Variants in ARHGAP28 observed in about 807,000 individuals in gnomAD.
ARHGAP28 encodes the protein Rho GTPase activating protein 28.
A neutral mutation model predicts 90.7 loss-of-function variants in ARHGAP28; 56 were observed. The observed-to-expected ratio is 0.62, with a 90% CI of 0.50 to 0.77. The LOEUF is 0.77. ARHGAP28 is among the 30% of genes least tolerant of loss of function. The pLI, the probability that ARHGAP28 is intolerant of heterozygous loss-of-function variation, is 0.00. For synonymous variants in ARHGAP28, 308 were observed against 323.3 expected, an observed-to-expected ratio of 0.95 and a Z score of 0.51; for missense variants, 869 against 900.9, an observed-to-expected ratio of 0.96 and a Z score of 0.45.
intron 13 of ARHGAP28, 47 bp downstream of exon 13, chr18:6,890,132 C>T: frequency 6.2e-7 from 1 of 1,600,936 alleles, no homozygotes; most frequent in Non-Finnish European, 8.6e-7. Context: ...TCCATGTCCC[C>T]AGGAAACATA....
At chr18:6,785,449 A>G (rs2056358019) in intron 1 of ARHGAP28, among the ~76,000 whole-genome samples, 2 of 152,118 alleles carry the variant, frequency 1.3e-5, no homozygotes, top group South Asian at 2.1e-4. Flanking sequence ...TCCACCTCCA[A>G]TGCATCTTTC....
At chr18:6,808,674 T>A (rs1300102572) in intron 1 of ARHGAP28, among the ~76,000 whole-genome samples, 1 of 152,240 alleles carries the variant, frequency 6.6e-6, no homozygotes, top group Non-Finnish European at 1.5e-5. Flanking sequence ...TTCCATTGTA[T>A]ATCTTGTGTA....
intron 16 of ARHGAP28, among the ~76,000 whole-genome samples, chr18:6,900,102 C>A (rs1459597880): frequency 6.6e-6 from 1 of 152,148 alleles, no homozygotes. Context: ...GACAATGAGG[C>A]AGAGCCAGTT....
chr18:6,836,257 T>C (rs1418805026), intron 2 of ARHGAP28: 2 of 152,372 alleles, frequency 1.3e-5, no homozygotes, highest in Non-Finnish European at 2.9e-5. Flanking sequence ...GCAGCTCGTC[T>C]CTCAGGGCCA....
At position 6,889,327 on chromosome 18, in the gene ARHGAP28, T is replaced by G. The variant is rs149882699; in HGVS notation, c.1537-561T>G. 6.6e-5 allele frequency among the ~76,000 whole-genome samples: 10 copies of G among 152,282 alleles called. No homozygotes were observed. In the East Asian group the frequency reaches 1.9e-3, roughly 29 times the overall value. ...CATTTGCTTTTGGCCAGCTGTCAAT[T>G]TCAAAGTTGAAAAGCAATAGAAAAA... On this transcript the variant is annotated intron_variant, in intron 12 of 17. Coordinates refer to ENST00000383472, the MANE Select transcript of ARHGAP28 (RefSeq NM_001366230.1).
chr18:6,906,750 G>A (rs754890909), intron 16 of ARHGAP28, among the ~76,000 whole-genome samples: 8 of 152,064 alleles, frequency 5.3e-5, no homozygotes, highest in Non-Finnish European at 1.2e-4. Flanking sequence ...CATAAAAAAT[G>A]TGACCCATAA....
intron 1 of ARHGAP28, among the ~76,000 whole-genome samples, chr18:6,753,848 A>G (rs537920304): frequency 2.6e-5 from 4 of 152,192 alleles, no homozygotes; most frequent in Non-Finnish European, 5.9e-5. Flanking sequence ...TAAGAGACAG[A>G]AGAGGTTGCT....
intron 1 of ARHGAP28, among the ~76,000 whole-genome samples, chr18:6,762,223 A>T (rs923747410): frequency 6.6e-6 from 1 of 152,174 alleles, no homozygotes; most frequent in East Asian, 1.9e-4. Flanking sequence ...GGTTTCTTAT[A>T]ATGCAGACAG....
intron 1 of ARHGAP28, among the ~76,000 whole-genome samples, chr18:6,778,728 G>T (rs549097684): frequency 6.6e-6 from 1 of 152,196 alleles, no homozygotes; most frequent in African/African-American, 2.4e-5. Flanking sequence ...GAGCATTAGT[G>T]CATCTTGATT....
intron 1 of ARHGAP28, among the ~76,000 whole-genome samples, chr18:6,731,519 A>G (rs1212141556): frequency 1.3e-5 from 2 of 152,164 alleles, no homozygotes; most frequent in Non-Finnish European, 2.9e-5. Flanking sequence ...AATACATGAG[A>G]GCAAGCGTTA....
At chr18:6,796,356 C>T (rs1302077193) in intron 1 of ARHGAP28, among the ~76,000 whole-genome samples, 1 of 152,090 alleles carries the variant, frequency 6.6e-6, no homozygotes, top group Non-Finnish European at 1.5e-5. Context: ...TTCAGCTTCC[C>T]TCACCTGCCT....
Position 6,845,366 on chromosome 18 carries a change from T to C in ARHGAP28, c.544-5668T>C, listed in dbSNP as rs1367493098. Among the ~76,000 whole-genome samples the C allele has an allele frequency of 1.3e-5, 2 of 152,228 alleles. 1 individual carries two copies. Among genetic ancestry groups the C allele is most frequent in the Admixed American group, 1.3e-4 (2 of 15,280 alleles). The stretch of plus-strand genomic sequence containing the variant: ...CATGAGCCACCATGCCCAGATCAGT[T>C]ATTTTATAAAGGTAAATATCTTTCT... On this transcript the variant is annotated intron_variant, in intron 3 of 17. Transcript: ENST00000383472.
At chr18:6,761,492 T>G (rs2056159676) in intron 1 of ARHGAP28, among the ~76,000 whole-genome samples, 1 of 152,114 alleles carries the variant, frequency 6.6e-6, no homozygotes, top group Non-Finnish European at 1.5e-5. Context: ...GGAAACAGTA[T>G]TGATGGAGGC....
At chr18:6,862,471 A>T (rs8082943) in intron 5 of ARHGAP28, among the ~76,000 whole-genome samples, 5 of 152,030 alleles carry the variant, frequency 3.3e-5, no homozygotes, top group Non-Finnish European at 7.4e-5. Flanking sequence ...GACCTAACCC[A>T]TATCTTTCCC....
At chr18:6,784,867 G>A (rs1339859037) in intron 1 of ARHGAP28, among the ~76,000 whole-genome samples, 1 of 152,190 alleles carries the variant, frequency 6.6e-6, no homozygotes, top group African/African-American at 2.4e-5. Flanking sequence ...CTCAAGCTTT[G>A]TTCGAATGTT....
chr18:6,811,078 C>T (rs2056552612), intron 1 of ARHGAP28, among the ~76,000 whole-genome samples: 1 of 151,928 alleles, frequency 6.6e-6, no homozygotes, highest in South Asian at 2.1e-4. Flanking sequence ...GCCACTGCAC[C>T]AGTTTCAAGA....
At chr18:6,900,890 A>G (rs1411742578) in intron 16 of ARHGAP28, among the ~76,000 whole-genome samples, 4 of 146,372 alleles carry the variant, frequency 2.7e-5, no homozygotes, top group Non-Finnish European at 1.5e-5. Context: ...ATTAAAGACA[A>G]AAATCTTTGA....
intron 1 of ARHGAP28, among the ~76,000 whole-genome samples, chr18:6,734,340 G>A (rs1471243090): frequency 6.6e-6 from 1 of 151,864 alleles, no homozygotes; most frequent in East Asian, 1.9e-4. Context: ...TTTTTTTTGT[G>A]AAGGTATAGT....
At chr18:6,896,468 T>G (rs1441104331) in intron 15 of ARHGAP28, 34 bp from the exon 16 acceptor site, 1 of 1,610,226 alleles carries the variant, frequency 6.2e-7, no homozygotes, top group Non-Finnish European at 8.5e-7. Context: ...CATCCTAGTT[T>G]GACAGACTGT....
Sources: gnomAD v4.1 joint callset for allele counts (sites outside exome capture counted in the v4.1 genomes callset) on GRCh38, gnomAD v4.1.1 for gene constraint, MANE v1.5 for transcripts, NCBI Gene and HGNC (gene_info 2026-07-23, HGNC 2026-07-21) for gene names.